CLASP1: variants seen among roughly 807,000 people sequenced by gnomAD.
CLASP1 encodes the protein cytoplasmic linker associated protein 1.
A neutral mutation model predicts 192.3 loss-of-function variants in CLASP1; 38 were observed. The observed-to-expected ratio is 0.20, with a 90% CI of 0.15 to 0.26. CLASP1 has a LOEUF of 0.26. Among genes scored for constraint, CLASP1 ranks in the 10% least tolerant of loss-of-function variants. The pLI is 1.00. For synonymous variants in CLASP1, 691 were observed against 712.8 expected, an observed-to-expected ratio of 0.97 and a Z score of 0.49; for missense variants, 1,433 against 1,932.5, an observed-to-expected ratio of 0.74 and a Z score of 4.85.
chr2:121,346,248 C>T (rs2063437935), intron 39 of CLASP1, among the ~76,000 whole-genome samples: 3 of 152,230 alleles, frequency 2.0e-5, no homozygotes, highest in South Asian at 4.1e-4. Flanking sequence ...GGTCCTGAGG[C>T]CCCAGGCCCA....
intron 37 of CLASP1, among the ~76,000 whole-genome samples, chr2:121,358,050 G>A (rs1003053163): frequency 2.0e-5 from 3 of 152,220 alleles, no homozygotes; most frequent in African/African-American, 7.2e-5. Flanking sequence ...GAAGACTACA[G>A]TACACCACTA....
chr2:121,599,142 C>T (rs1012107501), intron 2 of CLASP1, among the ~76,000 whole-genome samples: 1 of 151,874 alleles, frequency 6.6e-6, no homozygotes, highest in South Asian at 2.1e-4. Context: ...GGATTACAGG[C>T]GTGATTCACT....
chr2:121,470,058 C>A lies in CLASP1; in HGVS notation c.713-98G>T, dbSNP rs370200381. 19 of 980,430 alleles carry A rather than the reference C, an allele frequency of 1.9e-5. No individual in the cohort carries two copies. The South Asian group carries it at 2.5e-4, about 13-fold the overall frequency. The allele number at this position is 980,430 out of a possible 1,614,324, so 60.7% of individuals were successfully genotyped here. On this transcript the variant is annotated intron_variant, in intron 8 of 39. Transcript: ENST00000263710. ...ACCTGATTATAAAACAATTAGTCTT[C>A]GAGACTGATTCTGCATACTCTTTTG...
chr2:121,412,839 G>C (rs1034607436), intron 23 of CLASP1, among the ~76,000 whole-genome samples: 1 of 152,292 alleles, frequency 6.6e-6, no homozygotes, highest in East Asian at 1.9e-4. Flanking sequence ...GTTTTCGCCA[G>C]AGCAAAGTCT....
intron 37 of CLASP1, among the ~76,000 whole-genome samples, chr2:121,350,152 ATTCCATCCAGAT>A (rs1558822353): frequency 6.6e-6 from 1 of 152,250 alleles, no homozygotes; most frequent in East Asian, 1.9e-4. Context: ...TGGGCTAGTC[ATTCCATCCAGAT>A]TCCTTTTTGC....
At chr2:121,504,738 A>G (rs2093885658) in intron 7 of CLASP1, among the ~76,000 whole-genome samples, 1 of 152,218 alleles carries the variant, frequency 6.6e-6, no homozygotes, top group South Asian at 2.1e-4. Context: ...AACCAGCCTG[A>G]TGCACTGCCT....
intron 1 of CLASP1, among the ~76,000 whole-genome samples, chr2:121,619,866 G>A (rs908306966): frequency 1.3e-5 from 2 of 152,090 alleles, no homozygotes; most frequent in African/African-American, 4.8e-5. Flanking sequence ...ACTGAGAACT[G>A]CTGAAGCTTG....
At chr2:121,528,816 C>G in intron 3 of CLASP1, 36 bp from the exon 4 acceptor site, 2 of 1,520,940 alleles carry the variant, frequency 1.3e-6, no homozygotes, top group South Asian at 1.1e-5. Flanking sequence ...AAATGAAACC[C>G]TATTTGGGGG....
intron 2 of CLASP1, among the ~76,000 whole-genome samples, chr2:121,561,159 G>A (rs2059052131): frequency 1.3e-5 from 2 of 152,060 alleles, no homozygotes; most frequent in Non-Finnish European, 2.9e-5. Context: ...CAACCACCTC[G>A]GCCTCCCAAA....
intron 5 of CLASP1, among the ~76,000 whole-genome samples, chr2:121,527,228 A>C (rs748492771): frequency 5.9e-5 from 9 of 152,238 alleles, no homozygotes; most frequent in Non-Finnish European, 1.3e-4. Flanking sequence ...CAAAAACTGG[A>C]AATTACCCAA....
intron 10 of CLASP1, among the ~76,000 whole-genome samples, chr2:121,462,260 A>G (rs1212635415): frequency 6.6e-6 from 1 of 151,644 alleles, no homozygotes; most frequent in African/African-American, 2.4e-5. Flanking sequence ...TTATTCTCTA[A>G]TTTAGCGTCA....
chr2:121,474,577 A>G (rs1486250354), intron 8 of CLASP1, among the ~76,000 whole-genome samples: 1 of 152,164 alleles, frequency 6.6e-6, no homozygotes, highest in Non-Finnish European at 1.5e-5. Flanking sequence ...TCTACTAAAC[A>G]TACAAAAAAT....
chr2:121,410,779 G>T, intron 24 of CLASP1, 87 bp downstream of exon 25: 1 of 711,644 alleles, frequency 1.4e-6, no homozygotes, highest in Non-Finnish European at 2.3e-6. Context: ...TTCATAACCT[G>T]ATTTGGGGGC....
chr2:121,510,413 A>T (rs1338204557), intron 7 of CLASP1, among the ~76,000 whole-genome samples: 2 of 152,252 alleles, frequency 1.3e-5, no homozygotes, highest in African/African-American at 4.8e-5. Context: ...TTCTATGAAC[A>T]ATTATATGCC....
chr2:121,374,753 G>A (rs1275651527), intron 34 of CLASP1, among the ~76,000 whole-genome samples: 1 of 152,164 alleles, frequency 6.6e-6, no homozygotes, highest in African/African-American at 2.4e-5. Context: ...ACTTGCATGG[G>A]GCCTGTAGTC....
intron 8 of CLASP1, among the ~76,000 whole-genome samples, chr2:121,483,653 T>C (rs751675840): frequency 7.9e-5 from 12 of 152,076 alleles, no homozygotes; most frequent in Admixed American, 3.3e-4. Context: ...TCTGTTTTTT[T>C]GGTGCAATGT....
At chr2:121,500,865 T>A (rs1014428329) in intron 8 of CLASP1, among the ~76,000 whole-genome samples, 5 of 152,242 alleles carry the variant, frequency 3.3e-5, no homozygotes, top group African/African-American at 4.8e-5. Flanking sequence ...ATTTTTAGCA[T>A]AGATGTTTAA....
At chr2:121,464,633 C>A (rs2089078239) in intron 9 of CLASP1, among the ~76,000 whole-genome samples, 2 of 152,160 alleles carry the variant, frequency 1.3e-5, no homozygotes, top group Non-Finnish European at 2.9e-5. Context: ...TTTTTAGCTG[C>A]ATAAATGTCT....
At chr2:121,394,044 AAAGCCCTGGTAGTCAAGACACT>A (rs1433368641) in intron 30 of CLASP1, among the ~76,000 whole-genome samples, 7 of 152,154 alleles carry the variant, frequency 4.6e-5, no homozygotes, top group African/African-American at 1.7e-4. Flanking sequence ...AAGAGACACT[AAAGCCCTGGTAGTCAAGACACT>A]AAGACGGCCC....
Sources: gnomAD v4.1 joint callset for allele counts (sites outside exome capture counted in the v4.1 genomes callset) on GRCh38, gnomAD v4.1.1 for gene constraint, MANE v1.5 for transcripts, NCBI Gene and HGNC (gene_info 2026-07-23, HGNC 2026-07-21) for gene names.